AUTS2: variants seen among roughly 807,000 people sequenced by gnomAD.
AUTS2 encodes the protein autism susceptibility gene 2 protein.
AUTS2 carries 17 observed loss-of-function variants against 112.4 expected under a neutral mutation model. That is an observed-to-expected ratio of 0.15 (90% CI 0.10 to 0.23). The LOEUF (loss-of-function observed/expected upper bound fraction) is 0.23. Ranked by LOEUF, AUTS2 falls within the 10% of genes least tolerant of loss-of-function variation. The probability of loss-of-function intolerance (pLI) is 1.00; values close to 1 mark genes in which losing one functional copy is unlikely to be tolerated. For synonymous variants in AUTS2, 751 were observed against 702.7 expected (o/e 1.07, Z -1.09); for missense variants, 1,510 against 1,701.6 (o/e 0.89, Z 1.98).
At chr7:70,624,723 A>T (rs1471769166) in intron 5 of AUTS2, among the ~76,000 whole-genome samples, 4 of 152,196 alleles carry the variant, frequency 2.6e-5, no homozygotes, top group African/African-American at 2.4e-5. Context: ...CCGCGTGGGA[A>T]GGCATTACAG....
At chr7:70,405,269 A>G (rs1794483283) in intron 4 of AUTS2, among the ~76,000 whole-genome samples, 1 of 152,234 alleles carries the variant, frequency 6.6e-6, no homozygotes, top group Non-Finnish European at 1.5e-5. Flanking sequence ...GTCAGAATTC[A>G]GAATCATGAA....
chr7:70,128,376 A>G (rs1038361818), intron 3 of AUTS2, among the ~76,000 whole-genome samples: 4 of 152,178 alleles, frequency 2.6e-5, no homozygotes, highest in Non-Finnish European at 5.9e-5. Context: ...AAATAGCTAC[A>G]ATTTTTTCTA....
chr7:70,149,909 A>G (rs1225734385), intron 4 of AUTS2, among the ~76,000 whole-genome samples: 3 of 152,062 alleles, frequency 2.0e-5, no homozygotes, highest in Middle Eastern at 3.2e-3. Context: ...AAAGACAAAC[A>G]TAAACATAAA....
At chr7:70,540,121 G>C (rs1467144488) in intron 5 of AUTS2, among the ~76,000 whole-genome samples, 1 of 152,016 alleles carries the variant, frequency 6.6e-6, no homozygotes, top group African/African-American at 2.4e-5. Context: ...CTTCCACTTG[G>C]TCCTTTACCT....
intron 15 of AUTS2, chr7:70,784,140 A>G (rs919109292): frequency 7.2e-5 from 11 of 152,248 alleles, no homozygotes; most frequent in African/African-American, 2.4e-4. Context: ...GTGCCCCAAA[A>G]CATAAGAATC....
intron 4 of AUTS2, among the ~76,000 whole-genome samples, chr7:70,388,321 G>A (rs772662284): frequency 5.9e-5 from 9 of 152,172 alleles, no homozygotes; most frequent in East Asian, 1.9e-4. Context: ...ATCCAGTCCC[G>A]CCTTGGATTT....
intron 1 of AUTS2, among the ~76,000 whole-genome samples, chr7:69,784,353 G>T (rs1039090026): frequency 6.6e-6 from 1 of 152,100 alleles, no homozygotes; most frequent in African/African-American, 2.4e-5. Context: ...CCTCTCCTTC[G>T]CAAGACCCAG....
chr7:69,968,997 A>T (rs944941468), intron 2 of AUTS2, among the ~76,000 whole-genome samples: 5 of 152,162 alleles, frequency 3.3e-5, no homozygotes, highest in Admixed American at 1.3e-4. Context: ...TAAAGCTATT[A>T]TAAGTAAAAT....
At chr7:69,719,075 TG>T (rs1798776321) in intron 1 of AUTS2, among the ~76,000 whole-genome samples, 1 of 152,346 alleles carries the variant, frequency 6.6e-6, no homozygotes, top group East Asian at 1.9e-4. Context: ...TGAAATGGCC[TG>T]CCTTGGCAAA....
intron 2 of AUTS2, among the ~76,000 whole-genome samples, chr7:69,995,958 C>T (rs117019263): frequency 0.012 from 1,876 of 152,282 alleles, 21 homozygotes; most frequent in Non-Finnish European, 0.02. Flanking sequence ...TAATGCGAGT[C>T]GGCAGCCCAC....
At chr7:69,766,489 G>C (rs944662435) in intron 1 of AUTS2, among the ~76,000 whole-genome samples, 2 of 152,122 alleles carry the variant, frequency 1.3e-5, no homozygotes, top group African/African-American at 4.8e-5. Flanking sequence ...GGATCATATG[G>C]TAATTCTATT....
chr7:70,098,859 C>T (rs375483161), intron 2 of AUTS2, among the ~76,000 whole-genome samples: 4 of 151,980 alleles, frequency 2.6e-5, no homozygotes, highest in Non-Finnish European at 5.9e-5. Flanking sequence ...TGCGCCATCA[C>T]GCCCAGCTAA....
intron 5 of AUTS2, among the ~76,000 whole-genome samples, chr7:70,672,763 C>A (rs1481211155): frequency 6.6e-6 from 1 of 152,092 alleles, no homozygotes; most frequent in East Asian, 1.9e-4. Context: ...CCACCACACC[C>A]AGCTCAATTT....
chr7:70,446,541 G>A (rs555917099), intron 5 of AUTS2, among the ~76,000 whole-genome samples: 2 of 152,178 alleles, frequency 1.3e-5, no homozygotes, highest in Non-Finnish European at 2.9e-5. Context: ...CTGGATCATG[G>A]GTTAGTTGAA....
At chr7:70,317,264 G>C (rs1276919391) in intron 4 of AUTS2, among the ~76,000 whole-genome samples, 1 of 151,998 alleles carries the variant, frequency 6.6e-6, no homozygotes, top group Non-Finnish European at 1.5e-5. Flanking sequence ...TGTGTTCCTT[G>C]TCACTGCAGG....
intron 2 of AUTS2, among the ~76,000 whole-genome samples, chr7:70,084,422 A>G (rs1584695550): frequency 6.6e-6 from 1 of 152,364 alleles, no homozygotes; most frequent in Admixed American, 6.5e-5. Flanking sequence ...TGGATAATGT[A>G]CTAGGTATAT....
intron 1 of AUTS2, among the ~76,000 whole-genome samples, chr7:69,776,579 C>G (rs986010908): frequency 2.6e-5 from 4 of 152,094 alleles, no homozygotes; most frequent in Admixed American, 2.6e-4. Flanking sequence ...CCACACCCAG[C>G]TAATTAAATA....
At chr7:69,934,259 A>C (rs768471121) in intron 2 of AUTS2, among the ~76,000 whole-genome samples, 4 of 152,134 alleles carry the variant, frequency 2.6e-5, no homozygotes, top group Non-Finnish European at 4.4e-5. Flanking sequence ...TTCCCAAAGG[A>C]GTTTCTACAA....
intron 2 of AUTS2, among the ~76,000 whole-genome samples, chr7:70,016,888 G>A (rs1451243405): frequency 6.6e-6 from 1 of 151,972 alleles, no homozygotes; most frequent in Non-Finnish European, 1.5e-5. Flanking sequence ...GGCTGGTCTC[G>A]AACTCCTGAC....
Sources: gnomAD v4.1 joint callset for allele counts (sites outside exome capture counted in the v4.1 genomes callset) on GRCh38, gnomAD v4.1.1 for gene constraint, MANE v1.5 for transcripts, NCBI Gene and HGNC (gene_info 2026-07-23, HGNC 2026-07-21) for gene names.